CTNNA3: variants seen among roughly 807,000 people sequenced by gnomAD.
CTNNA3 encodes the protein catenin alpha 3, also known as catenin alpha-3.
In CTNNA3, 76 loss-of-function variants were observed where a neutral mutation model predicts 95.7. The ratio of observed to expected loss-of-function variants is 0.79; its 90% CI spans 0.66 to 0.96. The LOEUF (loss-of-function observed/expected upper bound fraction) is 0.96, where lower values mean the gene tolerates loss of function less well. Ranked by LOEUF, CTNNA3 falls within the 40% of genes least tolerant of loss-of-function variation. The pLI is 0.00. For synonymous variants in CTNNA3, 431 were observed against 374.4 expected (o/e 1.15, Z -1.74); for missense variants, 1,191 against 1,089.8 (o/e 1.09, Z -1.31).
At chr10:67,727,332 A>C (rs997235390) in intron 1 of CTNNA3, among the ~76,000 whole-genome samples, 12 of 132,486 alleles carry the variant, frequency 9.1e-5, no homozygotes, top group African/African-American at 3.3e-4. Context: ...ATATTTATAT[A>C]TTATTGTATA....
intron 11 of CTNNA3, among the ~76,000 whole-genome samples, chr10:66,499,805 C>G (rs1840217432): frequency 8.9e-6 from 1 of 112,868 alleles, no homozygotes; most frequent in African/African-American, 3.0e-5. Flanking sequence ...AGTTGCATTT[C>G]CTTTTTTTTT....
At chr10:66,950,992 T>A (rs1372322787) in intron 7 of CTNNA3, among the ~76,000 whole-genome samples, 1 of 152,158 alleles carries the variant, frequency 6.6e-6, no homozygotes, top group Non-Finnish European at 1.5e-5. Context: ...TTCCTCTGAA[T>A]AGATGGTATG....
intron 14 of CTNNA3, among the ~76,000 whole-genome samples, chr10:66,092,589 G>C (rs61858384): frequency 0.086 from 13,141 of 151,936 alleles, 822 homozygotes; most frequent in Non-Finnish European, 0.14. Flanking sequence ...AGAATGGATG[G>C]CAGGCTAGGT....
chr10:67,515,656 C>A (rs1839788804), intron 5 of CTNNA3, among the ~76,000 whole-genome samples: 1 of 152,136 alleles, frequency 6.6e-6, no homozygotes, highest in South Asian at 2.1e-4. Context: ...CCACCTAAGA[C>A]AGACATGAAT....
intron 15 of CTNNA3, among the ~76,000 whole-genome samples, chr10:66,051,063 GT>G (rs1474003265): frequency 6.6e-5 from 10 of 152,030 alleles, no homozygotes; most frequent in Non-Finnish European, 7.4e-5. Flanking sequence ...AAGTGAGGGT[GT>G]GGGGTCTCTC....
intron 11 of CTNNA3, among the ~76,000 whole-genome samples, chr10:66,432,241 AG>A (rs1226414036): frequency 6.6e-6 from 1 of 152,208 alleles, no homozygotes; most frequent in Non-Finnish European, 1.5e-5. Flanking sequence ...TTGTATCAAA[AG>A]CTAACCTACT....
chr10:67,006,204 A>G (rs1291887567), intron 7 of CTNNA3, among the ~76,000 whole-genome samples: 2 of 152,136 alleles, frequency 1.3e-5, no homozygotes, highest in Non-Finnish European at 2.9e-5. Context: ...AGAGACAGGA[A>G]GTGGCAGAGT....
At chr10:66,515,708 C>T (rs914660533) in intron 11 of CTNNA3, among the ~76,000 whole-genome samples, 1 of 152,034 alleles carries the variant, frequency 6.6e-6, no homozygotes, top group South Asian at 2.1e-4. Flanking sequence ...TTTTTCACAT[C>T]ATGGCAGGAA....
At chr10:66,901,332 A>AT (rs1192224322) in intron 7 of CTNNA3, among the ~76,000 whole-genome samples, 2 of 152,188 alleles carry the variant, frequency 1.3e-5, no homozygotes, top group Non-Finnish European at 1.5e-5. Flanking sequence ...ATGCTGAGAG[A>AT]TTTTGTCACC....
At chr10:67,658,339 G>A (rs1840084443) in intron 1 of CTNNA3, among the ~76,000 whole-genome samples, 2 of 152,042 alleles carry the variant, frequency 1.3e-5, no homozygotes, top group South Asian at 4.1e-4. Context: ...ACCTGGCAGG[G>A]GCTCAACAAA....
chr10:66,524,591 T>C (rs16923205), intron 10 of CTNNA3, among the ~76,000 whole-genome samples: 6,635 of 152,160 alleles, frequency 0.044, 193 homozygotes, highest in South Asian at 0.066. Context: ...TATGGAGAAA[T>C]CATTAGTTAG....
At chr10:67,463,021 C>T (rs756737129) in intron 5 of CTNNA3, among the ~76,000 whole-genome samples, 25 of 144,618 alleles carry the variant, frequency 1.7e-4, no homozygotes, top group Non-Finnish European at 2.8e-4. Flanking sequence ...TCTCCTGCCT[C>T]ACCCTCCTGA....
chr10:66,885,710 C>T (rs1265387689), intron 7 of CTNNA3, among the ~76,000 whole-genome samples: 1 of 152,220 alleles, frequency 6.6e-6, no homozygotes, highest in East Asian at 1.9e-4. Flanking sequence ...GCATTCAGTA[C>T]ATATCTTAAA....
At position 66,624,252 on chromosome 10, in the gene CTNNA3, C is replaced by T. The variant is rs369915598; in HGVS notation, c.1282-2468G>A. ...ATTAAATTATTTGATCTTGTTTTGT[C>T]ACCTATAAAATGAGTATGATAATGA... On this transcript the variant is annotated intron_variant, in intron 9 of 17. Coordinates refer to ENST00000433211, the MANE Select transcript of CTNNA3 (RefSeq NM_013266.4). Among the ~76,000 whole-genome samples the T allele has an allele frequency of 7.5e-4, 114 of 152,058 alleles. 3 individuals are homozygous for T. The South Asian group carries it at 0.023, about 31-fold the overall frequency.
intron 1 of CTNNA3, among the ~76,000 whole-genome samples, chr10:67,762,383 C>CCCA (rs1491429702): frequency 1.5e-5 from 2 of 136,966 alleles, no homozygotes; most frequent in African/African-American, 2.7e-5. Flanking sequence ...CTCCCCCCCC[C>CCCA]AAAAAAAAAA....
intron 1 of CTNNA3, among the ~76,000 whole-genome samples, chr10:67,676,134 A>G (rs1318950171): frequency 6.6e-6 from 1 of 152,140 alleles, no homozygotes; most frequent in East Asian, 1.9e-4. Flanking sequence ...TTAATTTTTT[A>G]GCTTGGTCTT....
chr10:67,616,504 A>T (rs1384818371), intron 2 of CTNNA3, among the ~76,000 whole-genome samples: 2 of 151,990 alleles, frequency 1.3e-5, no homozygotes, highest in Non-Finnish European at 2.9e-5. Context: ...GGCGGAGTTA[A>T]GAAATGACAA....
intron 7 of CTNNA3, among the ~76,000 whole-genome samples, chr10:67,074,642 G>A (rs553374909): frequency 1.5e-3 from 231 of 152,180 alleles, no homozygotes; most frequent in African/African-American, 5.3e-3. Context: ...GAGCCACCGC[G>A]CCCAACCCAC....
intron 11 of CTNNA3, among the ~76,000 whole-genome samples, chr10:66,501,251 TGTAA>T (rs1454847827): frequency 6.6e-6 from 1 of 152,168 alleles, no homozygotes; most frequent in African/African-American, 2.4e-5. Flanking sequence ...TGGATTGTCA[TGTAA>T]GTCTTTATAA....
Sources: allele counts gnomAD v4.1 joint callset (sites outside exome capture counted in the v4.1 genomes callset), GRCh38; gene constraint gnomAD v4.1.1; transcripts MANE v1.5; gene names NCBI Gene and HGNC (gene_info 2026-07-23, HGNC 2026-07-21).